PPP1R12A: variants seen among roughly 807,000 people sequenced by gnomAD.
The protein encoded by PPP1R12A is myosin binding subunit.
PPP1R12A carries 19 observed loss-of-function variants against 139.6 expected under a neutral mutation model. The ratio of observed to expected loss-of-function variants is 0.14; its 90% CI spans 0.09 to 0.20. The LOEUF (loss-of-function observed/expected upper bound fraction) is 0.20, where lower values mean the gene tolerates loss of function less well. Among genes scored for constraint, PPP1R12A ranks in the 10% least tolerant of loss-of-function variants. PPP1R12A has a pLI of 1.00. For missense variants in PPP1R12A, 925 were observed against 1,211.5 expected (o/e 0.76, Z 3.51); for synonymous variants, 427 against 420.6 (o/e 1.02, Z -0.19).
At chr12:79,838,660 T>C (rs1236375651) in intron 3 of PPP1R12A, among the ~76,000 whole-genome samples, 1 of 152,210 alleles carries the variant, frequency 6.6e-6, no homozygotes, top group Non-Finnish European at 1.5e-5. Flanking sequence ...ACTCAGGCCA[T>C]CGCTTCAGAG....
intron 18 of PPP1R12A, among the ~76,000 whole-genome samples, chr12:79,795,074 A>C (rs1442782904): frequency 6.6e-6 from 1 of 152,130 alleles, no homozygotes; most frequent in Non-Finnish European, 1.5e-5. Flanking sequence ...TAAGCTATAC[A>C]TGTATGAATT....
intron 2 of PPP1R12A, among the ~76,000 whole-genome samples, chr12:79,858,396 T>C (rs1880928407): frequency 6.6e-6 from 1 of 152,224 alleles, no homozygotes; most frequent in African/African-American, 2.4e-5. Flanking sequence ...TTGCCACATA[T>C]TGTGCCAAGT....
At chr12:79,879,986 C>G (rs374999683) in intron 1 of PPP1R12A, among the ~76,000 whole-genome samples, 33 of 152,274 alleles carry the variant, frequency 2.2e-4, no homozygotes, top group African/African-American at 7.7e-4. Context: ...TGCAATCCTT[C>G]TTTTAACTGA....
intron 22 of PPP1R12A, chr12:79,782,266 C>T (rs1380424633): frequency 5.6e-6 from 1 of 177,730 alleles, no homozygotes; most frequent in Non-Finnish European, 1.2e-5. Flanking sequence ...ATATATTCAT[C>T]AGCAGGTTGA....
intron 1 of PPP1R12A, among the ~76,000 whole-genome samples, chr12:79,911,417 G>T (rs1886551156): frequency 6.6e-6 from 1 of 152,088 alleles, no homozygotes. Context: ...ATACAAATAG[G>T]GCAACAACAG....
In PPP1R12A at chr12:79,797,184, T is replaced by C. The variant is rs774214343; in HGVS notation, c.2292+11A>G. ...CCATTTGACTTAAATGTGCTTTTGA[T>C]ATACTGTTACCTCATCATACGTTCT... On this transcript the variant is annotated intron_variant, in intron 16 of 24. Coordinates refer to ENST00000450142, the MANE Select transcript of PPP1R12A (RefSeq NM_002480.3). 1 of 1,564,998 alleles carries C rather than the reference T, an allele frequency of 6.4e-7. No homozygotes were observed.
chr12:79,780,180 G>C (rs1027417594), intron 23 of PPP1R12A: 1 of 151,826 alleles, frequency 6.6e-6, no homozygotes, highest in South Asian at 2.1e-4. Context: ...CTCCAGCCTG[G>C]GTGACAGAGC....
intron 20 of PPP1R12A, 89 bp from the exon 21 acceptor site, chr12:79,788,872 T>C: frequency 8.8e-7 from 1 of 1,130,640 alleles, no homozygotes; most frequent in Middle Eastern, 2.4e-4. Context: ...AACTTGACAG[T>C]TCAAAAGAGT....
chr12:79,854,371 C>A (rs1016716471), intron 2 of PPP1R12A, among the ~76,000 whole-genome samples: 2 of 152,164 alleles, frequency 1.3e-5, no homozygotes, highest in African/African-American at 4.8e-5. Context: ...CAAAATATTT[C>A]TGGCTTCCTA....
At chr12:79,828,496 TA>T (rs769269935) in intron 4 of PPP1R12A, 32 bp from the exon 5 acceptor site, 1 of 1,455,368 alleles carries the variant, frequency 6.9e-7, no homozygotes, top group African/African-American at 1.4e-5. Context: ...AGACAATCAT[TA>T]AAATCTAGAA....
intron 1 of PPP1R12A, among the ~76,000 whole-genome samples, chr12:79,879,125 A>C (rs1408746566): frequency 6.6e-6 from 1 of 152,312 alleles, no homozygotes; most frequent in African/African-American, 2.4e-5. Flanking sequence ...CATGCCTATA[A>C]TCCCAACACC....
At chr12:79,835,241 C>T (rs777142344) in intron 3 of PPP1R12A, among the ~76,000 whole-genome samples, 1 of 152,102 alleles carries the variant, frequency 6.6e-6, no homozygotes, top group Non-Finnish European at 1.5e-5. Flanking sequence ...AGCTGTCAGG[C>T]GTGACAGGCA....
At chr12:79,880,912 A>T (rs564556872) in intron 1 of PPP1R12A, among the ~76,000 whole-genome samples, 1 of 152,158 alleles carries the variant, frequency 6.6e-6, no homozygotes, top group Non-Finnish European at 1.5e-5. Flanking sequence ...ACAATATTTT[A>T]AATTTTTTCA....
At chr12:79,848,572 A>C (rs1879677917) in intron 2 of PPP1R12A, among the ~76,000 whole-genome samples, 1 of 152,172 alleles carries the variant, frequency 6.6e-6, no homozygotes, top group Non-Finnish European at 1.5e-5. Flanking sequence ...CTAACAGAGT[A>C]AAGTACCAAA....
intron 9 of PPP1R12A, among the ~76,000 whole-genome samples, chr12:79,815,648 T>C (rs1875272874): frequency 6.6e-6 from 1 of 152,136 alleles, no homozygotes; most frequent in East Asian, 1.9e-4. Flanking sequence ...ACTGAAGAAG[T>C]ACATGGGGGT....
chr12:79,808,784 G>C (rs767982287), intron 10 of PPP1R12A, among the ~76,000 whole-genome samples: 17 of 151,968 alleles, frequency 1.1e-4, no homozygotes, highest in African/African-American at 1.2e-4. Flanking sequence ...TTTTAGCCTG[G>C]AATCAGATAA....
chr12:79,782,329 C>T (rs1870555721), intron 22 of PPP1R12A: 1 of 221,776 alleles, frequency 4.5e-6, no homozygotes, highest in African/African-American at 2.3e-5. Context: ...TTATCTTCTC[C>T]CACAGCTATC....
intron 22 of PPP1R12A, 103 bp from the exon 23 acceptor site, chr12:79,781,965 G>A (rs1592603096): frequency 1.8e-6 from 1 of 566,018 alleles, no homozygotes; most frequent in East Asian, 3.1e-5. Context: ...TATTCAAGTG[G>A]AGTAAAACAC....
In PPP1R12A at chr12:79,777,211, G is replaced by C. The variant is rs181966495; in HGVS notation, c.3007-1196C>G. On this transcript the variant is annotated intron_variant, in intron 24 of 24. Transcript: ENST00000450142. ...TTGGTTTTCTCTCTAGTAAAGAACT[G>C]TAAATAATAGTCATATTTTAAGTCC... The C allele has an allele frequency of 3.3e-6, 3 of 922,766 alleles. No homozygotes were observed. In the African/African-American group the frequency reaches 5.4e-5, roughly 17 times the overall value. 57.2% of individuals were successfully genotyped at this position (922,766 alleles called of 1,614,324 possible).
Sources: gnomAD v4.1 joint callset for allele counts (sites outside exome capture counted in the v4.1 genomes callset) on GRCh38, gnomAD v4.1.1 for gene constraint, MANE v1.5 for transcripts, NCBI Gene and HGNC (gene_info 2026-07-23, HGNC 2026-07-21) for gene names.